FRMD3: variants seen among roughly 807,000 people sequenced by gnomAD.
The protein encoded by FRMD3 is FERM domain containing 3.
FRMD3 carries 33 observed loss-of-function variants against 70.2 expected under a neutral mutation model. The observed-to-expected ratio is 0.47, with a 90% confidence interval of 0.36 to 0.63. The LOEUF (loss-of-function observed/expected upper bound fraction) is 0.63. FRMD3 is among the 20% of genes least tolerant of loss of function. FRMD3 has a pLI of 0.00. For synonymous variants in FRMD3, 279 were observed against 255.9 expected, an observed-to-expected ratio of 1.09 and a Z score of -0.86; for missense variants, 632 against 711.4, an observed-to-expected ratio of 0.89 and a Z score of 1.27.
intron 1 of FRMD3, among the ~76,000 whole-genome samples, chr9:83,479,286 A>AAAG (rs3084910): frequency 0.42 from 60,672 of 144,560 alleles, 12,956 homozygotes; most frequent in Middle Eastern, 0.45. Context: ...TGTGTCTCTA[A>AAAG]AAGAAGAAGA....
At chr9:83,498,488 T>A (rs576647315) in intron 1 of FRMD3, among the ~76,000 whole-genome samples, 1 of 152,204 alleles carries the variant, frequency 6.6e-6, no homozygotes, top group African/African-American at 2.4e-5. Flanking sequence ...AGTCAACAAG[T>A]AGTTCATGTG....
At chr9:83,583,383 G>A in the FRMD3 span, among the ~76,000 whole-genome samples, 2 of 152,034 alleles carry the variant, frequency 1.3e-5, no homozygotes. Flanking sequence ...AATACCATCA[G>A]CAATTTGTAA....
At chr9:83,499,719 A>G (rs1829020446) in intron 1 of FRMD3, among the ~76,000 whole-genome samples, 1 of 152,246 alleles carries the variant, frequency 6.6e-6, no homozygotes, top group African/African-American at 2.4e-5. Context: ...GCTGTTTCTT[A>G]CAAGCTAAAA....
chr9:83,291,721 G>A (rs1834427099), intron 12 of FRMD3, among the ~76,000 whole-genome samples: 1 of 152,162 alleles, frequency 6.6e-6, no homozygotes, highest in Non-Finnish European at 1.5e-5. Flanking sequence ...GACTGAGCCA[G>A]CCATACTTGT....
intron 13 of FRMD3, among the ~76,000 whole-genome samples, chr9:83,280,599 C>A (rs887662298): frequency 2.0e-5 from 3 of 152,204 alleles, no homozygotes; most frequent in African/African-American, 7.2e-5. Context: ...ACCCCCGCCC[C>A]TTTTCGTTTT....
chr9:83,579,474 A>G, the FRMD3 span, among the ~76,000 whole-genome samples: 1 of 152,036 alleles, frequency 6.6e-6, no homozygotes, highest in African/African-American at 2.4e-5. Flanking sequence ...CTGTAAATAA[A>G]CCCACACATA....
intron 1 of FRMD3, among the ~76,000 whole-genome samples, chr9:83,528,484 G>GA (rs1554716063): frequency 1.3e-5 from 2 of 151,368 alleles, no homozygotes; most frequent in Non-Finnish European, 3.0e-5. Context: ...GTTTGGGTTT[G>GA]TTTTTTTTAA....
At chr9:83,416,941 G>C (rs1587832967) in intron 1 of FRMD3, among the ~76,000 whole-genome samples, 1 of 152,092 alleles carries the variant, frequency 6.6e-6, no homozygotes, top group Admixed American at 6.5e-5. Flanking sequence ...TGAGCACACT[G>C]TTTCATCTAG....
At chr9:83,454,170 C>T (rs1827750893) in intron 1 of FRMD3, among the ~76,000 whole-genome samples, 1 of 152,162 alleles carries the variant, frequency 6.6e-6, no homozygotes, top group South Asian at 2.1e-4. Flanking sequence ...CATATTAGTA[C>T]ATCTTTTGTA....
At chr9:83,548,705 G>A in the FRMD3 span, among the ~76,000 whole-genome samples, 3 of 152,030 alleles carry the variant, frequency 2.0e-5, no homozygotes, top group South Asian at 2.1e-4. Flanking sequence ...CATACATAGC[G>A]AACCCTAATA....
chr9:83,507,693 T>C (rs907020079), intron 1 of FRMD3, among the ~76,000 whole-genome samples: 4 of 27,226 alleles, frequency 1.5e-4, no homozygotes, highest in Non-Finnish European at 2.5e-4. Context: ...TATACATACA[T>C]ATATATATAT....
At chr9:83,543,126 G>A (rs1291469223), upstream of FRMD3, among the ~76,000 whole-genome samples, 3 of 151,904 alleles carry the variant, frequency 2.0e-5, no homozygotes, top group Admixed American at 6.6e-5. Context: ...ATGGCTGACT[G>A]GAGACACTGA....
At chr9:83,309,189 T>C (rs921495859) in intron 10 of FRMD3, among the ~76,000 whole-genome samples, 14 of 151,846 alleles carry the variant, frequency 9.2e-5, no homozygotes, top group Admixed American at 2.6e-4. Context: ...GTCTGCTTTG[T>C]GGGGGTGGGG....
At chr9:83,480,232 CAT>C (rs1828535237) in intron 1 of FRMD3, among the ~76,000 whole-genome samples, 1 of 152,072 alleles carries the variant, frequency 6.6e-6, no homozygotes, top group African/African-American at 2.4e-5. Flanking sequence ...GTAGTCTATT[CAT>C]ATAACAGAGT....
At chr9:83,292,284 G>A (rs144333900) in intron 12 of FRMD3, among the ~76,000 whole-genome samples, 141 of 151,556 alleles carry the variant, frequency 9.3e-4, no homozygotes, top group African/African-American at 3.2e-3. Flanking sequence ...TCAGCCTCGC[G>A]AGTAGCTGGG....
At chr9:83,372,983 A>C (rs1825027651) in intron 2 of FRMD3, 28 bp from the exon 3 acceptor site, 3 of 1,595,488 alleles carry the variant, frequency 1.9e-6, no homozygotes, top group Non-Finnish European at 2.6e-6. Context: ...AAAAGCAGAG[A>C]TCAGGGGTCA....
chr9:83,468,022 G>C (rs189073235), intron 1 of FRMD3, among the ~76,000 whole-genome samples: 3 of 152,064 alleles, frequency 2.0e-5, no homozygotes, highest in Admixed American at 2.0e-4. Flanking sequence ...AAATCAGTGG[G>C]AATAAAGACA....
At chr9:83,507,738 A>ATATATC (rs1208727746) in intron 1 of FRMD3, among the ~76,000 whole-genome samples, 3 of 112,446 alleles carry the variant, frequency 2.7e-5, no homozygotes, top group Non-Finnish European at 3.7e-5. Flanking sequence ...ATATATATAT[A>ATATATC]TCTTCTGGAA....
chr9:83,506,539 G>T (rs564459886), intron 1 of FRMD3, among the ~76,000 whole-genome samples: 1 of 152,128 alleles, frequency 6.6e-6, no homozygotes, highest in Non-Finnish European at 1.5e-5. Flanking sequence ...AGTAAAAATC[G>T]ACTTAAAATG....
Sources: gnomAD v4.1 joint callset for allele counts (sites outside exome capture counted in the v4.1 genomes callset) on GRCh38, gnomAD v4.1.1 for gene constraint, MANE v1.5 for transcripts, NCBI Gene and HGNC (gene_info 2026-07-23, HGNC 2026-07-21) for gene names.